The following MROH9 variants were observed in gnomAD, a reference collection of about 807,000 sequenced individuals.
The protein encoded by MROH9 is maestro heat-like repeat-containing protein family member 9.
A neutral mutation model predicts 98.2 loss-of-function variants in MROH9; 92 were observed. The ratio of observed to expected loss-of-function variants is 0.94; its 90% CI spans 0.79 to 1.11. The LOEUF (loss-of-function observed/expected upper bound fraction) is 1.11, where lower values mean the gene tolerates loss of function less well. MROH9 is among the 50% of genes most tolerant of loss of function. The probability of loss-of-function intolerance (pLI) is 0.00; values close to 1 mark genes in which losing one functional copy is unlikely to be tolerated. For missense variants in MROH9, 1,057 were observed against 1,014.8 expected, an observed-to-expected ratio of 1.04 and a Z score of -0.57; for synonymous variants, 397 against 368.9, an observed-to-expected ratio of 1.08 and a Z score of -0.87.
intron 20 of MROH9, among the ~76,000 whole-genome samples, 177 bp from the exon 21 acceptor site, chr1:171,061,955 C>T (rs66542836): frequency 0.15 from 22,268 of 152,018 alleles, 1,954 homozygotes; most frequent in African/African-American, 0.24. Context: ...TTTATACTCT[C>T]ATATATCTTT....
At chr1:171,021,395 C>T (rs1652514936) in intron 17 of MROH9, among the ~76,000 whole-genome samples, 3 of 152,142 alleles carry the variant, frequency 2.0e-5, no homozygotes, top group Admixed American at 6.5e-5. Flanking sequence ...CAACATGATA[C>T]TGGCACCAAA....
rs1361685747 is a variant in MROH9, at chr1:171,040,440, CTA to C, written c.2281+15022_2281+15023del. ...TGTGTGTTACACACAAAAAGGGTAA[CTA>C]TGTGAGATGATAGATACGTTAACTT... On this transcript the variant is annotated intron_variant, in intron 20 of 21. Coordinates refer to ENST00000367759, the MANE Select transcript of MROH9 (RefSeq NM_001163629.2). Among the ~76,000 whole-genome samples, 7 of 152,132 alleles carry C rather than the reference CTA, an allele frequency of 4.6e-5. No individual in the cohort carries two copies. In the South Asian group the frequency reaches 1.0e-3, roughly 23 times the overall value.
At chr1:170,966,956 T>G (rs1442229279) in intron 7 of MROH9, among the ~76,000 whole-genome samples, 3 of 152,168 alleles carry the variant, frequency 2.0e-5, no homozygotes, top group African/African-American at 7.2e-5. Context: ...TAGAGCCTAG[T>G]CACATGTTTC....
intron 12 of MROH9, among the ~76,000 whole-genome samples, chr1:170,994,110 A>G (rs914726310): frequency 6.6e-6 from 1 of 152,210 alleles, no homozygotes; most frequent in Admixed American, 6.6e-5. Context: ...AACTTCCTCA[A>G]TAAATGAAGT....
At chr1:171,010,965 A>T (rs946473489) in intron 15 of MROH9, among the ~76,000 whole-genome samples, 1 of 152,136 alleles carries the variant, frequency 6.6e-6, no homozygotes, top group Admixed American at 6.5e-5. Flanking sequence ...CCATTTGTCA[A>T]TTGTGGCTTT....
At chr1:171,007,673 C>A (rs1557895764) in intron 15 of MROH9, among the ~76,000 whole-genome samples, 1 of 152,162 alleles carries the variant, frequency 6.6e-6, no homozygotes, top group African/African-American at 2.4e-5. Context: ...ATATAGGCTT[C>A]TTTTGGCAGC....
At chr1:171,022,597 G>C (rs867255585) in intron 17 of MROH9, among the ~76,000 whole-genome samples, 2 of 152,074 alleles carry the variant, frequency 1.3e-5, no homozygotes, top group Non-Finnish European at 2.9e-5. Flanking sequence ...AGGGCCACTT[G>C]GGGGGTGGGT....
At chr1:170,979,946 G>A (rs1650860956) in intron 8 of MROH9, among the ~76,000 whole-genome samples, 2 of 151,994 alleles carry the variant, frequency 1.3e-5, no homozygotes, top group South Asian at 2.1e-4. Context: ...ACCAACAATA[G>A]GCAAGCAAAG....
intron 16 of MROH9, chr1:171,015,232 A>G (rs1392649709): frequency 2.9e-6 from 1 of 343,812 alleles, no homozygotes; most frequent in Non-Finnish European, 5.7e-6. Context: ...TACTTTAAAT[A>G]AATAATACAA....
intron 20 of MROH9, among the ~76,000 whole-genome samples, chr1:171,058,321 C>T (rs1051324891): frequency 2.8e-5 from 4 of 142,560 alleles, no homozygotes; most frequent in East Asian, 4.0e-4. Flanking sequence ...TTACAAACCA[C>T]GGGTCAAGGA....
At chr1:170,960,908 T>A (rs1649992096) in intron 5 of MROH9, among the ~76,000 whole-genome samples, 1 of 152,158 alleles carries the variant, frequency 6.6e-6, no homozygotes, top group South Asian at 2.1e-4. Context: ...GGATTATAGG[T>A]GTGTGGCACT....
At chr1:170,984,941 T>C (rs887456025) in intron 9 of MROH9, among the ~76,000 whole-genome samples, 1 of 151,764 alleles carries the variant, frequency 6.6e-6, no homozygotes. Flanking sequence ...AGCATGCAAA[T>C]AGGGGCAGAA....
intron 20 of MROH9, among the ~76,000 whole-genome samples, chr1:171,060,724 A>G (rs1440241909): frequency 6.6e-6 from 1 of 152,200 alleles, no homozygotes. Flanking sequence ...TTCATGCTGT[A>G]TAACTCCAGA....
intron 17 of MROH9, among the ~76,000 whole-genome samples, chr1:171,017,333 C>G (rs1652357741): frequency 6.6e-6 from 1 of 152,354 alleles, no homozygotes; most frequent in South Asian, 2.1e-4. Flanking sequence ...GCCTACCTGA[C>G]AGCCACACGG....
chr1:170,983,294 G>A (rs1651003559), intron 8 of MROH9, 128 bp from the exon 9 acceptor site: 1 of 621,336 alleles, frequency 1.6e-6, no homozygotes. Context: ...ACTATGAGCA[G>A]AGAGTTAAAT....
At chr1:171,000,901 C>T (rs1385501869) in intron 15 of MROH9, among the ~76,000 whole-genome samples, 3 of 151,800 alleles carry the variant, frequency 2.0e-5, no homozygotes, top group Non-Finnish European at 4.4e-5. Flanking sequence ...TTTTTAATTA[C>T]CGTTTCAATC....
chr1:171,048,020 C>G (rs949440343), intron 20 of MROH9, among the ~76,000 whole-genome samples: 1 of 152,180 alleles, frequency 6.6e-6, no homozygotes, highest in Non-Finnish European at 1.5e-5. Context: ...CTCTCTGTCT[C>G]TCTGTTGTGA....
At chr1:171,061,788 C>G (rs1318934893) in intron 20 of MROH9, among the ~76,000 whole-genome samples, 1 of 152,096 alleles carries the variant, frequency 6.6e-6, no homozygotes, top group Non-Finnish European at 1.5e-5. Context: ...AAAGCAGACA[C>G]AAAAGAATAT....
chr1:171,004,853 G>A (rs1438435934), intron 15 of MROH9, among the ~76,000 whole-genome samples: 1 of 151,996 alleles, frequency 6.6e-6, no homozygotes, highest in Non-Finnish European at 1.5e-5. Flanking sequence ...TTCAGGCCAG[G>A]ACCATACTGT....
Sources: gnomAD v4.1 joint callset for allele counts (sites outside exome capture counted in the v4.1 genomes callset) on GRCh38, gnomAD v4.1.1 for gene constraint, MANE v1.5 for transcripts, NCBI Gene and HGNC (gene_info 2026-07-23, HGNC 2026-07-21) for gene names.